CFI: variants seen among roughly 807,000 people sequenced by gnomAD.
The protein encoded by CFI is C3B/C4B inactivator.
CFI carries 66 observed loss-of-function variants against 78.8 expected under a neutral mutation model. The observed-to-expected ratio is 0.84, with a 90% CI of 0.69 to 1.03. The LOEUF (loss-of-function observed/expected upper bound fraction) is 1.03, where lower values mean the gene tolerates loss of function less well. Among genes scored for constraint, CFI ranks in the 50% least tolerant of loss-of-function variants. The pLI is 0.00. For missense variants in CFI, 706 were observed against 704.5 expected (o/e 1.00, Z -0.02); for synonymous variants, 250 against 232.6 (o/e 1.07, Z -0.68).
chr4:109,781,130 A>G (rs539007766), intron 1 of CFI, among the ~76,000 whole-genome samples: 64 of 152,322 alleles, frequency 4.2e-4, no homozygotes, highest in Admixed American at 1.5e-3. Context: ...CATGCAGCCT[A>G]GAACTTAAAG....
chr4:109,752,192 G>A (rs1725229342), intron 8 of CFI, among the ~76,000 whole-genome samples: 1 of 152,020 alleles, frequency 6.6e-6, no homozygotes, highest in African/African-American at 2.4e-5. Context: ...GACAAAGTTC[G>A]TTTTAAATAG....
chr4:109,745,899 T>A (rs1724350713), intron 11 of CFI, among the ~76,000 whole-genome samples: 1 of 152,200 alleles, frequency 6.6e-6, no homozygotes, highest in Non-Finnish European at 1.5e-5. Context: ...ATATGACCTT[T>A]GAAAGCCTAG....
chr4:109,765,191 T>C (rs961273046), intron 2 of CFI, among the ~76,000 whole-genome samples: 1 of 152,208 alleles, frequency 6.6e-6, no homozygotes, highest in Non-Finnish European at 1.5e-5. Flanking sequence ...ACAGGGATGA[T>C]AGATGAGCTC....
rs1222699816 is a variant in CFI at position 109,779,095 on chromosome 4, C to A, written c.58-12271G>T. On this transcript the variant is annotated intron_variant, in intron 1 of 12. Transcript: ENST00000394634. ...CACAAGACAGGGATGCCCTCTCTCA[C>A]CACTCCTATTCAACATAGTGTTGGA... Among the ~76,000 whole-genome samples the A allele has an allele frequency of 3.3e-5, 5 of 152,230 alleles. No homozygotes were observed. The East Asian group carries it at 5.8e-4, about 18-fold the overall frequency.
chr4:109,787,474 C>T (rs998538), intron 1 of CFI, among the ~76,000 whole-genome samples: 15,527 of 151,936 alleles, frequency 0.1, 1,792 homozygotes, highest in African/African-American at 0.28. Flanking sequence ...GCCACAGATG[C>T]CCCACAAACT....
intron 2 of CFI, among the ~76,000 whole-genome samples, chr4:109,764,977 G>A (rs1727551921): frequency 6.6e-6 from 1 of 152,120 alleles, no homozygotes; most frequent in Admixed American, 6.5e-5. Flanking sequence ...TTAAGTTCCT[G>A]GCCCAAGTGA....
intron 1 of CFI, among the ~76,000 whole-genome samples, chr4:109,791,846 A>G (rs1420616208): frequency 5.9e-5 from 9 of 152,124 alleles, no homozygotes; most frequent in Non-Finnish European, 8.8e-5. Context: ...GCTGCATATC[A>G]TATGTTTTGG....
At chr4:109,791,742 G>C (rs926634478) in intron 1 of CFI, among the ~76,000 whole-genome samples, 49 of 152,256 alleles carry the variant, frequency 3.2e-4, no homozygotes, top group African/African-American at 1.2e-3. Context: ...TAGAAGATCA[G>C]ATACTTGTAA....
intron 12 of CFI, chr4:109,741,366 T>G (rs757082912): frequency 2.0e-6 from 2 of 985,290 alleles, no homozygotes; most frequent in Non-Finnish European, 1.2e-6. Context: ...GACTGAGTAC[T>G]GAGATGAGAT....
intron 10 of CFI, among the ~76,000 whole-genome samples, chr4:109,746,806 G>A (rs565948269): frequency 6.6e-6 from 1 of 152,062 alleles, no homozygotes; most frequent in African/African-American, 2.4e-5. Context: ...GTGTGCCGTC[G>A]CTGCAGGTGT....
intron 10 of CFI, among the ~76,000 whole-genome samples, chr4:109,747,725 T>C (rs1724651958): frequency 6.6e-6 from 1 of 152,214 alleles, no homozygotes; most frequent in African/African-American, 2.4e-5. Context: ...TCAGTGTTCC[T>C]CAACCTTTTT....
chr4:109,767,402 C>A (rs968363744), intron 1 of CFI, among the ~76,000 whole-genome samples: 6 of 151,080 alleles, frequency 4.0e-5, no homozygotes, highest in African/African-American at 1.5e-4. Context: ...GGCTAATATC[C>A]AGAATCTACA....
Position 109,742,494 on chromosome 4 carries a change from C to A in CFI, c.1531G>T (p.Ala511Ser). ...NRFYEKEMECAGTYDGSIDAC... is the reference protein window; with the variant it reads ...NRFYEKEMECSGTYDGSIDAC... ...GGATAAACCACTTGGCACTTACCTG[C>A]ACATTCCATTTCTTTTTCATAGAAA... is the stretch of plus-strand genomic sequence containing the variant. Residue 511 changes from alanine (A) to serine (S), a missense_variant, in exon 12 of 13, where the codon GCA (alanine) becomes TCA (serine). Transcript: ENST00000394634. The A allele has an allele frequency of 6.2e-7, 1 of 1,604,030 alleles. No individual in the cohort carries two copies. Among genetic ancestry groups the A allele is most frequent in the Non-Finnish European group, 8.5e-7 (1 of 1,170,826 alleles).
intron 1 of CFI, among the ~76,000 whole-genome samples, chr4:109,784,404 G>A (rs1730491022): frequency 2.0e-5 from 3 of 151,974 alleles, no homozygotes; most frequent in Non-Finnish European, 4.4e-5. Context: ...AGGGTATAGG[G>A]TTAAAGGAGA....
Position 109,764,583 on chromosome 4 carries a change from T to G in CFI, c.436A>C (p.Ser146Arg), listed in dbSNP as rs764595381. 9 of 1,614,190 alleles carry G rather than the reference T, an allele frequency of 5.6e-6. No individual in the cohort carries two copies. In the Middle Eastern group the frequency reaches 4.9e-4, roughly 89 times the overall value. ...CAGGCCACGTTGGCTTCCCTCATGC[T>G]CCAGCTGCTTTTGCATATGAACATT... ...KTMFICKSSWSMREANVACLD... is the reference protein window; with the variant it reads ...KTMFICKSSWRMREANVACLD... Residue 146 changes from serine to arginine, a missense_variant, in exon 3 of 13, where the codon AGC (serine) becomes CGC (arginine). Physicochemically the swap from Ser to Arg is moderately radical, Grantham distance 110 (BLOSUM62 -1). Coordinates refer to ENST00000394634, the MANE Select transcript of CFI (RefSeq NM_000204.5).
At chr4:109,791,897 A>C (rs755971550) in intron 1 of CFI, among the ~76,000 whole-genome samples, 2 of 152,136 alleles carry the variant, frequency 1.3e-5, no homozygotes, top group Non-Finnish European at 2.9e-5. Context: ...AGTATTCACA[A>C]TTACCCTTGT....
intron 1 of CFI, chr4:109,793,956 A>T (rs1444932102): frequency 6.6e-6 from 1 of 152,200 alleles, no homozygotes; most frequent in Non-Finnish European, 1.5e-5. Flanking sequence ...TTCTTGGTTG[A>T]CAGTTTTTTA....
At position 109,746,254 on chromosome 4, in the gene CFI, G is replaced by A; in HGVS notation, c.1397C>T (p.Thr466Ile). ...WSPYLFQPND[T>I]CIVSGWGREK... ...TCGTCCCCAGCCAGAAACGATGCAT[G>A]TATCATTAGGTTGGAATAGGTAAGG... Residue 466 changes from threonine (T) to isoleucine (I), a missense_variant, in exon 11 of 13, where the codon ACA (threonine) becomes ATA (isoleucine). By Grantham distance (89) the Thr-to-Ile change is moderately conservative. Coordinates refer to ENST00000394634, the MANE Select transcript of CFI (RefSeq NM_000204.5). 3 of 1,614,176 alleles carry A rather than the reference G, an allele frequency of 1.9e-6. No individual in the cohort carries two copies. The highest frequency in any genetic ancestry group is 1.6e-4 in the Middle Eastern group (1 of 6,062).
At chr4:109,760,478 C>T (rs1332983056) in intron 5 of CFI, 45 bp downstream of exon 5, 2 of 1,485,806 alleles carry the variant, frequency 1.3e-6, no homozygotes, top group African/African-American at 2.8e-5. Flanking sequence ...CTCTTTTAGT[C>T]AGAAAAATGA....
Sources: allele counts gnomAD v4.1 joint callset (sites outside exome capture counted in the v4.1 genomes callset), GRCh38; gene constraint gnomAD v4.1.1; transcripts MANE v1.5; gene names NCBI Gene and HGNC (gene_info 2026-07-23, HGNC 2026-07-21).